The following AGBL4 variants were observed in gnomAD, a reference collection of about 807,000 sequenced individuals.
The protein encoded by AGBL4 is cytosolic carboxypeptidase 6.
A neutral mutation model predicts 66.4 loss-of-function variants in AGBL4; 58 were observed. The observed-to-expected ratio is 0.87, with a 90% CI of 0.71 to 1.09. AGBL4 has a LOEUF of 1.09. Ranked by LOEUF, AGBL4 falls within the 50% of genes least tolerant of loss-of-function variation. The pLI, the probability that AGBL4 is intolerant of heterozygous loss-of-function variation, is 0.00. For missense variants in AGBL4, 579 were observed against 631.0 expected (o/e 0.92, Z 0.88); for synonymous variants, 234 against 222.9 (o/e 1.05, Z -0.44).
intron 3 of AGBL4, among the ~76,000 whole-genome samples, chr1:49,509,604 A>C (rs1394635921): frequency 1.3e-5 from 2 of 151,920 alleles, no homozygotes; most frequent in African/African-American, 4.8e-5. Flanking sequence ...TGAATTAAAA[A>C]CCAAATAGGG....
chr1:49,632,420 A>G (rs1238578211), intron 3 of AGBL4, among the ~76,000 whole-genome samples: 1 of 152,206 alleles, frequency 6.6e-6, no homozygotes, highest in Non-Finnish European at 1.5e-5. Context: ...CAAGACCAGT[A>G]TTATCCAGAG....
intron 9 of AGBL4, among the ~76,000 whole-genome samples, chr1:48,613,104 A>G (rs553811648): frequency 1.2e-4 from 18 of 152,292 alleles, no homozygotes; most frequent in Non-Finnish European, 2.2e-4. Context: ...ATTGGACTCC[A>G]GCCTGGGCGA....
At chr1:49,080,393 C>T (rs541105065) in intron 4 of AGBL4, among the ~76,000 whole-genome samples, 19 of 152,128 alleles carry the variant, frequency 1.2e-4, no homozygotes, top group Admixed American at 5.9e-4. Context: ...TAAGCTGAGG[C>T]GTCACTTTAT....
intron 3 of AGBL4, among the ~76,000 whole-genome samples, chr1:49,633,440 CAAATT>C (rs1386152342): frequency 6.6e-6 from 1 of 151,992 alleles, no homozygotes; most frequent in Non-Finnish European, 1.5e-5. Flanking sequence ...CAGAAAGACT[CAAATT>C]AGATATATAA....
intron 3 of AGBL4, among the ~76,000 whole-genome samples, chr1:49,474,044 G>C (rs1395193668): frequency 8.6e-5 from 13 of 152,044 alleles, no homozygotes; most frequent in Admixed American, 8.5e-4. Context: ...TTGTAGCATA[G>C]TTTGAAGTCA....
At chr1:48,777,808 G>A (rs1645169398) in intron 6 of AGBL4, among the ~76,000 whole-genome samples, 2 of 152,144 alleles carry the variant, frequency 1.3e-5, no homozygotes, top group South Asian at 4.1e-4. Flanking sequence ...AGCGCTCTGG[G>A]TAACACAGGC....
chr1:48,986,411 T>C (rs892991921), intron 5 of AGBL4, among the ~76,000 whole-genome samples: 9 of 151,944 alleles, frequency 5.9e-5, no homozygotes, highest in Admixed American at 5.9e-4. Flanking sequence ...AACTTGAATG[T>C]AGCTAAAGGG....
At chr1:48,673,589 T>C (rs1446607929) in intron 6 of AGBL4, among the ~76,000 whole-genome samples, 1 of 152,216 alleles carries the variant, frequency 6.6e-6, no homozygotes, top group Non-Finnish European at 1.5e-5. Flanking sequence ...TGTAATTTTT[T>C]TCTCTCTCTC....
chr1:48,892,557 G>A (rs955530594), intron 5 of AGBL4, among the ~76,000 whole-genome samples: 1 of 152,128 alleles, frequency 6.6e-6, no homozygotes, highest in African/African-American at 2.4e-5. Context: ...CGTCTGAAAA[G>A]GCAGGACAAC....
chr1:48,791,055 T>C (rs1645538042), intron 6 of AGBL4, among the ~76,000 whole-genome samples: 1 of 152,164 alleles, frequency 6.6e-6, no homozygotes, highest in African/African-American at 2.4e-5. Context: ...ATGAGCCAAA[T>C]AAGCTTATGT....
intron 2 of AGBL4, among the ~76,000 whole-genome samples, chr1:49,787,917 GA>G (rs951680074): frequency 1.8e-4 from 26 of 144,934 alleles, no homozygotes; most frequent in East Asian, 8.1e-4. Context: ...CAAACCCCCA[GA>G]AAAAAAAAAG....
At chr1:49,229,824 G>A (rs940801837) in intron 4 of AGBL4, among the ~76,000 whole-genome samples, 3 of 152,118 alleles carry the variant, frequency 2.0e-5, no homozygotes, top group South Asian at 2.1e-4. Context: ...AGGCTAAGAC[G>A]CCCTGGAAAA....
chr1:49,768,961 G>C (rs912572270), intron 2 of AGBL4, among the ~76,000 whole-genome samples: 8 of 151,770 alleles, frequency 5.3e-5, no homozygotes, highest in Non-Finnish European at 1.2e-4. Flanking sequence ...CGATTATCTT[G>C]CCTCAGCCTC....
At chr1:48,760,949 A>G in intron 6 of AGBL4, 1 of 163,950 alleles carries the variant, frequency 6.1e-6, no homozygotes, top group East Asian at 1.7e-4. Context: ...GTCCAGCCTT[A>G]GCTATCTGGG....
intron 3 of AGBL4, among the ~76,000 whole-genome samples, chr1:49,286,685 A>G (rs1031439477): frequency 1.3e-5 from 2 of 151,888 alleles, no homozygotes; most frequent in Admixed American, 6.6e-5. Flanking sequence ...AAGGAGAACT[A>G]CAAACCACTG....
At chr1:49,422,334 G>A (rs1383703639) in intron 3 of AGBL4, among the ~76,000 whole-genome samples, 1 of 152,126 alleles carries the variant, frequency 6.6e-6, no homozygotes, top group East Asian at 1.9e-4. Flanking sequence ...CTTAAAATTT[G>A]TGGTTTCTAT....
At chr1:49,293,091 C>G (rs1252291195) in intron 3 of AGBL4, among the ~76,000 whole-genome samples, 3 of 152,224 alleles carry the variant, frequency 2.0e-5, no homozygotes, top group African/African-American at 7.2e-5. Flanking sequence ...CTGGAGTCTC[C>G]AAGCCTCCAT....
intron 1 of AGBL4, among the ~76,000 whole-genome samples, chr1:49,975,229 T>C (rs1658458889): frequency 6.6e-6 from 1 of 152,216 alleles, no homozygotes; most frequent in Admixed American, 6.5e-5. Flanking sequence ...AGTTATAAAC[T>C]TAATTGCAAC....
chr1:49,569,741 A>G (rs1183305214), intron 3 of AGBL4, among the ~76,000 whole-genome samples: 1 of 152,090 alleles, frequency 6.6e-6, no homozygotes, highest in Non-Finnish European at 1.5e-5. Context: ...ACTGCAATAC[A>G]CTCACCATTC....
Sources: allele counts gnomAD v4.1 joint callset (sites outside exome capture counted in the v4.1 genomes callset), GRCh38; gene constraint gnomAD v4.1.1; transcripts MANE v1.5; gene names NCBI Gene and HGNC (gene_info 2026-07-23, HGNC 2026-07-21).